GNG2: variants seen among roughly 807,000 people sequenced by gnomAD.
GNG2 encodes guanine nucleotide-binding protein G(I)/G(S)/G(O) subunit gamma-2.
A neutral mutation model predicts 5.5 loss-of-function variants in GNG2; 5 were observed. The observed-to-expected ratio is 0.91, with a 90% confidence interval of 0.48 to 1.92. GNG2 has a LOEUF of 1.92. Ranked by LOEUF, GNG2 falls within the 30% of genes most tolerant of loss-of-function variation. GNG2 has a pLI of 0.01. For missense variants in GNG2, 55 were observed against 88.4 expected (o/e 0.62, Z 1.52); for synonymous variants, 28 against 32.0 (o/e 0.88, Z 0.42).
At chr14:51,862,679 G>A (rs987313706) in intron 1 of GNG2, among the ~76,000 whole-genome samples, 7 of 152,364 alleles carry the variant, frequency 4.6e-5, no homozygotes, top group African/African-American at 1.7e-4. Flanking sequence ...TTGCCCGACG[G>A]GCATAGTAGA....
At position 51,967,153 on chromosome 14, in the gene GNG2, CCTTT is replaced by C. The variant is rs574087823; in HGVS notation, c.*471_*474del. 3.9e-5 allele frequency: 6 copies of C among 154,654 alleles called. No homozygotes were observed. The highest frequency in any genetic ancestry group is 1.4e-4 in the African/African-American group (6 of 41,508). 9.6% of individuals were successfully genotyped at this position (154,654 alleles called of 1,614,324 possible). On this transcript the variant is annotated 3_prime_UTR_variant, in exon 4 of 4. Transcript: ENST00000556766. ...ATGGCATTGATGTATAGTCACTGTG[CCTTT>C]CTTTTTCTTTCTTCCTTCTCCTCTA...
rs1416605492 is a variant in GNG2, at chr14:51,968,356, T to G, written c.*1669T>G. On this transcript the variant is annotated 3_prime_UTR_variant, in exon 4 of 4. Coordinates refer to ENST00000556766, the MANE Select transcript of GNG2 (RefSeq NM_053064.5). ...TCTTTCCTCTCTATTCGCTTTCTCC[T>G]GTTTTTTTTTTAAAAAAAAAGCATG... is the stretch of plus-strand genomic sequence containing the variant. The G allele has an allele frequency of 6.9e-6, 1 of 145,938 alleles. No individual in the cohort carries two copies. The highest frequency in any genetic ancestry group is 1.5e-5 in the Non-Finnish European group (1 of 67,632). 9.0% of individuals were successfully genotyped at this position (145,938 alleles called of 1,614,324 possible).
intron 3 of GNG2, among the ~76,000 whole-genome samples, chr14:51,966,148 T>G (rs1261344554): frequency 1.5e-5 from 2 of 132,900 alleles, no homozygotes; most frequent in Non-Finnish European, 3.0e-5. Context: ...AGGCAGAGGT[T>G]GCAGTGAGCC....
chr14:51,917,972 G>A (rs945958440), intron 2 of GNG2, among the ~76,000 whole-genome samples: 8 of 150,148 alleles, frequency 5.3e-5, no homozygotes, highest in South Asian at 2.1e-4. Context: ...GTTGCACTGC[G>A]CCGAGATCGT....
At chr14:51,958,196 C>T (rs1363527507) in intron 3 of GNG2, among the ~76,000 whole-genome samples, 1 of 152,194 alleles carries the variant, frequency 6.6e-6, no homozygotes, top group Non-Finnish European at 1.5e-5. Flanking sequence ...ATTCTTTGAG[C>T]TCTTTCTCAG....
At chr14:51,868,393 C>A (rs747068353) in intron 1 of GNG2, among the ~76,000 whole-genome samples, 1 of 152,090 alleles carries the variant, frequency 6.6e-6, no homozygotes. Context: ...GGATTGGAAC[C>A]ATTGACAGAA....
chr14:51,862,792 C>T (rs1471047960), intron 1 of GNG2, among the ~76,000 whole-genome samples: 1 of 152,214 alleles, frequency 6.6e-6, no homozygotes, highest in Non-Finnish European at 1.5e-5. Flanking sequence ...TGAAGCAGAA[C>T]ATTAGTGAGT....
At chr14:51,938,584 G>A (rs1443423242) in intron 2 of GNG2, among the ~76,000 whole-genome samples, 1 of 152,190 alleles carries the variant, frequency 6.6e-6, no homozygotes, top group Non-Finnish European at 1.5e-5. Context: ...GAGTTTCAGA[G>A]CAGACTAGAA....
At chr14:51,898,138 C>T (rs1396214623) in intron 2 of GNG2, among the ~76,000 whole-genome samples, 1 of 152,174 alleles carries the variant, frequency 6.6e-6, no homozygotes, top group Admixed American at 6.5e-5. Context: ...TTACAGATCT[C>T]ATTTTCTAAA....
intron 3 of GNG2, among the ~76,000 whole-genome samples, chr14:51,953,983 GA>G (rs1412089761): frequency 6.6e-6 from 1 of 152,152 alleles, no homozygotes; most frequent in Non-Finnish European, 1.5e-5. Flanking sequence ...GGACTCTTAA[GA>G]GGAGGATTTG....
chr14:51,899,266 C>A (rs1163595297), intron 2 of GNG2, among the ~76,000 whole-genome samples: 1 of 152,160 alleles, frequency 6.6e-6, no homozygotes. Context: ...TTTGCCTCCA[C>A]CAGGTTCCAG....
intron 2 of GNG2, among the ~76,000 whole-genome samples, chr14:51,849,033 G>A (rs1237157515): frequency 6.6e-6 from 1 of 152,134 alleles, no homozygotes; most frequent in African/African-American, 2.4e-5. Flanking sequence ...TTCTCTTATA[G>A]TTTCTGTGGG....
chr14:51,869,142 T>C (rs1048056638), intron 1 of GNG2, among the ~76,000 whole-genome samples: 6 of 152,284 alleles, frequency 3.9e-5, no homozygotes, highest in African/African-American at 9.6e-5. Flanking sequence ...AAGAATTAAG[T>C]TGAGAATGAA....
chr14:51,937,854 G>A (rs772191572), intron 2 of GNG2, among the ~76,000 whole-genome samples: 1 of 152,190 alleles, frequency 6.6e-6, no homozygotes, highest in African/African-American at 2.4e-5. Flanking sequence ...CAGGTGCTCT[G>A]CTGAGTCTTT....
intron 2 of GNG2, among the ~76,000 whole-genome samples, chr14:51,942,951 T>A (rs1346554984): frequency 6.6e-6 from 1 of 152,112 alleles, no homozygotes; most frequent in Non-Finnish European, 1.5e-5. Context: ...CCTTTGATCA[T>A]CACCCCAGCT....
intron 2 of GNG2, among the ~76,000 whole-genome samples, chr14:51,921,623 G>C (rs138061565): frequency 8.8e-4 from 134 of 152,226 alleles, no homozygotes; most frequent in African/African-American, 3.1e-3. Context: ...CCTGAGGATG[G>C]GGTGCACACA....
chr14:51,926,697 C>G (rs1887348456), intron 2 of GNG2, among the ~76,000 whole-genome samples: 1 of 152,128 alleles, frequency 6.6e-6, no homozygotes. Flanking sequence ...CGGTGTGGAA[C>G]CTGGGATTCA....
chr14:51,867,872 T>G (rs908444712), intron 1 of GNG2, among the ~76,000 whole-genome samples: 3 of 152,180 alleles, frequency 2.0e-5, no homozygotes, highest in Non-Finnish European at 2.9e-5. Flanking sequence ...TCTAGCTCAT[T>G]CTAGTGTGTA....
At chr14:51,948,050 T>C (rs1888741359) in intron 2 of GNG2, among the ~76,000 whole-genome samples, 1 of 152,214 alleles carries the variant, frequency 6.6e-6, no homozygotes, top group South Asian at 2.1e-4. Flanking sequence ...ACTTCTGTGA[T>C]CAATGCAGAT....
Sources: allele counts gnomAD v4.1 joint callset (sites outside exome capture counted in the v4.1 genomes callset), GRCh38; gene constraint gnomAD v4.1.1; transcripts MANE v1.5; gene names NCBI Gene and HGNC (gene_info 2026-07-23, HGNC 2026-07-21).